The following CACNA1D variants were observed in gnomAD, a reference collection of about 807,000 sequenced individuals.
CACNA1D encodes the protein voltage-dependent L-type calcium channel subunit alpha-1D.
In CACNA1D, 55 loss-of-function variants were observed where a neutral mutation model predicts 257.1. The ratio of observed to expected loss-of-function variants is 0.21; its 90% CI spans 0.17 to 0.27. The LOEUF is 0.27. Ranked by LOEUF, CACNA1D falls within the 10% of genes least tolerant of loss-of-function variation. The pLI, the probability that CACNA1D is intolerant of heterozygous loss-of-function variation, is 1.00. For synonymous variants in CACNA1D, 980 were observed against 1,014.9 expected (o/e 0.97, Z 0.65); for missense variants, 1,876 against 2,784.0 (o/e 0.67, Z 7.34).
chr3:53,767,570 A>G (rs2095340812), intron 30 of CACNA1D, among the ~76,000 whole-genome samples: 1 of 151,616 alleles, frequency 6.6e-6, no homozygotes, highest in Non-Finnish European at 1.5e-5. Context: ...TATCTCAAAA[A>G]AAAAAAAAAA....
chr3:53,627,509 C>G (rs2093772928), intron 3 of CACNA1D, among the ~76,000 whole-genome samples: 1 of 151,500 alleles, frequency 6.6e-6, no homozygotes, highest in South Asian at 2.1e-4. Context: ...TTTCTTAGAT[C>G]TAGGAAGGGG....
chr3:53,612,735 A>G (rs2093596659), intron 3 of CACNA1D, among the ~76,000 whole-genome samples: 1 of 151,000 alleles, frequency 6.6e-6, no homozygotes, highest in African/African-American at 2.4e-5. Flanking sequence ...TGGCGCCCCC[A>G]CTCTCTGCTT....
intron 14 of CACNA1D, among the ~76,000 whole-genome samples, 159 bp downstream of exon 14, chr3:53,724,158 C>G (rs963574490): frequency 6.6e-6 from 1 of 152,164 alleles, no homozygotes; most frequent in Non-Finnish European, 1.5e-5. Flanking sequence ...TTAAGTTATT[C>G]GTTCTGCATC....
chr3:53,498,102 C>T (rs2090428260), intron 2 of CACNA1D, among the ~76,000 whole-genome samples: 1 of 152,102 alleles, frequency 6.6e-6, no homozygotes, highest in African/African-American at 2.4e-5. Context: ...TTGACAAGTT[C>T]CAAAGAAGCA....
At chr3:53,802,053 C>A in intron 42 of CACNA1D, 94 bp from the exon 43 acceptor site, 1 of 1,111,974 alleles carries the variant, frequency 9.0e-7, no homozygotes, top group Non-Finnish European at 1.4e-6. Context: ...CTAACCCCTA[C>A]TCTAGGAGGT....
chr3:53,521,271 G>A (rs2091564463), intron 3 of CACNA1D, among the ~76,000 whole-genome samples: 1 of 152,198 alleles, frequency 6.6e-6, no homozygotes, highest in Non-Finnish European at 1.5e-5. Context: ...TTGAAATCCT[G>A]GCCTCAAGCG....
intron 3 of CACNA1D, among the ~76,000 whole-genome samples, chr3:53,623,624 C>G (rs1414161522): frequency 7.9e-6 from 1 of 127,166 alleles, no homozygotes; most frequent in East Asian, 2.1e-4. Flanking sequence ...CTTTGTTACA[C>G]AGTGCTATTT....
intron 3 of CACNA1D, among the ~76,000 whole-genome samples, chr3:53,511,552 G>T (rs995122915): frequency 6.6e-6 from 1 of 152,114 alleles, no homozygotes; most frequent in Non-Finnish European, 1.5e-5. Context: ...GAAATGCCGC[G>T]CAAGCAGATG....
intron 3 of CACNA1D, among the ~76,000 whole-genome samples, chr3:53,603,433 A>G (rs2093469549): frequency 6.6e-6 from 1 of 152,196 alleles, no homozygotes; most frequent in Admixed American, 6.5e-5. Context: ...ACATAATAAG[A>G]AATGTACCCC....
At position 53,732,008 on chromosome 3, in the gene CACNA1D, C is replaced by T. The variant is rs754422339; in HGVS notation, c.2407-8C>T. On this transcript the variant is annotated splice_region_variant and splice_polypyrimidine_tract_variant and intron_variant, in intron 17 of 47. Transcript: ENST00000350061. ...TCCCCTCCTCCCAAGATGTCTTTGT[C>T]ATCCTAGGTTACAATTGATGACTAT... 3.8e-6 allele frequency: 6 copies of T among 1,590,976 alleles called. No homozygotes were observed. Among genetic ancestry groups the T allele is most frequent in the Non-Finnish European group, 5.2e-6 (6 of 1,158,794 alleles).
intron 15 of CACNA1D, 94 bp downstream of exon 15, chr3:53,727,093 T>C (rs1006531586): frequency 6.9e-7 from 1 of 1,454,852 alleles, no homozygotes; most frequent in South Asian, 1.1e-5. Context: ...GTGGTGGTAG[T>C]AGTTGTGGCA....
Position 53,723,303 on chromosome 3 carries a change from G to A in CACNA1D, c.1667-131G>A. On this transcript the variant is annotated intron_variant, in intron 12 of 47. Transcript: ENST00000350061. The surrounding 1 kb of genome is among the most constrained non-coding windows in gnomAD (Gnocchi z 5.6). ...AAGGCCACGTTTCTGTCCTGAGTGA[G>A]GTAGTGAAGAGAGAGACAAGGTATT... 1 of 745,318 alleles carries A rather than the reference G, an allele frequency of 1.3e-6. No homozygotes were observed. Among genetic ancestry groups the A allele is most frequent in the Non-Finnish European group, 2.4e-6 (1 of 411,946 alleles). 46.2% of individuals were successfully genotyped at this position (745,318 alleles called of 1,614,324 possible).
At chr3:53,613,914 A>G (rs1274669558) in intron 3 of CACNA1D, among the ~76,000 whole-genome samples, 1 of 152,094 alleles carries the variant, frequency 6.6e-6, no homozygotes, top group Non-Finnish European at 1.5e-5. Flanking sequence ...CTAAAGTTCA[A>G]TATAAGAAAT....
chr3:53,757,620 A>G (rs1203341624), intron 29 of CACNA1D, among the ~76,000 whole-genome samples: 2 of 152,014 alleles, frequency 1.3e-5, no homozygotes, highest in African/African-American at 2.4e-5. Context: ...AGCATATACA[A>G]TTTTCTTAGT....
Position 53,614,825 on chromosome 3 carries a change from A to T in CACNA1D, c.484-35954A>T, listed in dbSNP as rs372175991. ...AGTGAAGAAGTTATCACCATTCCCCAAAATGAGGAGACACACAGTGCCAAG... is the reference window on the plus strand; with the variant it reads ...AGTGAAGAAGTTATCACCATTCCCCTAAATGAGGAGACACACAGTGCCAAG... On this transcript the variant is annotated intron_variant, in intron 3 of 47. Transcript: ENST00000350061. Among the ~76,000 whole-genome samples, 171 of 152,338 alleles carry T rather than the reference A, an allele frequency of 1.1e-3. 7 individuals are homozygous for T. The South Asian group carries it at 0.035, about 31-fold the overall frequency.
At chr3:53,497,693 G>T (rs1007698557) in intron 2 of CACNA1D, among the ~76,000 whole-genome samples, 1 of 152,150 alleles carries the variant, frequency 6.6e-6, no homozygotes, top group Admixed American at 6.5e-5. Context: ...GTAGTAGTAG[G>T]GGGAGGGAGT....
intron 9 of CACNA1D, among the ~76,000 whole-genome samples, chr3:53,714,890 T>C (rs1028958751): frequency 3.4e-4 from 52 of 152,196 alleles, no homozygotes; most frequent in African/African-American, 1.2e-3. Context: ...GAGATCCTAT[T>C]GGGGCTAAAG....
At chr3:53,636,389 G>A (rs1181873922) in intron 3 of CACNA1D, among the ~76,000 whole-genome samples, 4 of 152,052 alleles carry the variant, frequency 2.6e-5, no homozygotes, top group East Asian at 1.9e-4. Flanking sequence ...CTGCAACCAC[G>A]GCCTCCTGGG....
At chr3:53,796,413 C>A (rs71301852) in intron 40 of CACNA1D, 1 of 456,048 alleles carries the variant, frequency 2.2e-6, no homozygotes, top group Non-Finnish European at 4.4e-6. Flanking sequence ...AGGTCCAGGG[C>A]GGGGCTCTGG....
Sources: gnomAD v4.1 joint callset for allele counts (sites outside exome capture counted in the v4.1 genomes callset) on GRCh38, gnomAD v4.1.1 for gene constraint, Gnocchi (gnomAD v3.1) non-coding constraint, MANE v1.5 for transcripts, NCBI Gene and HGNC (gene_info 2026-07-23, HGNC 2026-07-21) for gene names.